The following AGBL4 variants were observed in gnomAD, a reference collection of about 807,000 sequenced individuals.
The protein encoded by AGBL4 is AGBL carboxypeptidase 4.
AGBL4 carries 58 observed loss-of-function variants against 66.4 expected under a neutral mutation model. That is an observed-to-expected ratio of 0.87 (90% CI 0.71 to 1.09). The LOEUF (loss-of-function observed/expected upper bound fraction) is 1.09. Ranked by LOEUF, AGBL4 falls within the 50% of genes least tolerant of loss-of-function variation. The pLI is 0.00. For missense variants in AGBL4, 579 were observed against 631.0 expected (o/e 0.92, Z 0.88); for synonymous variants, 234 against 222.9 (o/e 1.05, Z -0.44).
chr1:48,645,411 G>A (rs1423194363), intron 8 of AGBL4, among the ~76,000 whole-genome samples: 1 of 152,182 alleles, frequency 6.6e-6, no homozygotes, highest in Non-Finnish European at 1.5e-5. Flanking sequence ...CAGGCTTCTT[G>A]TAAGGATCTA....
At chr1:49,746,901 G>C (rs1354081929) in intron 2 of AGBL4, among the ~76,000 whole-genome samples, 2 of 152,054 alleles carry the variant, frequency 1.3e-5, no homozygotes, top group African/African-American at 4.8e-5. Flanking sequence ...GGATATGTTA[G>C]AGAAACATTA....
intron 5 of AGBL4, among the ~76,000 whole-genome samples, chr1:48,981,223 C>A (rs1659741197): frequency 6.6e-6 from 1 of 152,170 alleles, no homozygotes; most frequent in South Asian, 2.1e-4. Context: ...GCTTCTTAAT[C>A]ATTTTCCTGT....
chr1:49,206,640 G>A (rs1461038478), intron 4 of AGBL4, among the ~76,000 whole-genome samples: 1 of 152,054 alleles, frequency 6.6e-6, no homozygotes, highest in Non-Finnish European at 1.5e-5. Flanking sequence ...CCCCCAGTGA[G>A]TAGGCTTTAG....
chr1:48,748,993 C>G (rs895285270), intron 6 of AGBL4, among the ~76,000 whole-genome samples: 4 of 152,056 alleles, frequency 2.6e-5, no homozygotes, highest in Non-Finnish European at 5.9e-5. Context: ...CTCGGGGAAT[C>G]TGAACCACAG....
chr1:49,246,836 C>T (rs886847042), intron 3 of AGBL4, among the ~76,000 whole-genome samples: 16 of 151,902 alleles, frequency 1.1e-4, no homozygotes, highest in African/African-American at 3.9e-4. Flanking sequence ...ACAGGCTAGC[C>T]TTTCTTTCCA....
intron 3 of AGBL4, among the ~76,000 whole-genome samples, chr1:49,649,939 A>G (rs1193631023): frequency 2.0e-5 from 3 of 152,210 alleles, no homozygotes; most frequent in African/African-American, 7.2e-5. Flanking sequence ...TTTTGAACTT[A>G]ATAAAAATGA....
chr1:49,325,948 C>T (rs1224877271), intron 3 of AGBL4, among the ~76,000 whole-genome samples: 4 of 152,200 alleles, frequency 2.6e-5, no homozygotes, highest in Non-Finnish European at 4.4e-5. Flanking sequence ...TGAATGAAAG[C>T]TTTCTGAGGC....
chr1:49,768,647 T>C (rs1183755857), intron 2 of AGBL4, among the ~76,000 whole-genome samples: 2 of 152,074 alleles, frequency 1.3e-5, no homozygotes, highest in Non-Finnish European at 2.9e-5. Flanking sequence ...AACACTCCTA[T>C]TCAACATATT....
chr1:48,787,339 A>G (rs1367412399), intron 6 of AGBL4, among the ~76,000 whole-genome samples: 2 of 152,218 alleles, frequency 1.3e-5, no homozygotes, highest in Non-Finnish European at 2.9e-5. Context: ...TGAGATCCTG[A>G]CAGGCACTAT....
At chr1:49,373,335 A>C (rs146468710) in intron 3 of AGBL4, among the ~76,000 whole-genome samples, 4 of 152,200 alleles carry the variant, frequency 2.6e-5, no homozygotes, top group African/African-American at 9.6e-5. Context: ...AGTAGAACTG[A>C]TATCTCCATG....
Position 49,265,548 on chromosome 1 carries a change from G to A in AGBL4, c.283-19684C>T, listed in dbSNP as rs1643897754. On this transcript the variant is annotated intron_variant, in intron 3 of 13. Coordinates refer to ENST00000371839, the MANE Select transcript of AGBL4 (RefSeq NM_032785.4). The stretch of plus-strand genomic sequence containing the variant: ...GTGCAGCCTGATTCCCAGCATTGTG[G>A]AAAGAAATGCTGGAGTTTCAAGCCT... Among the ~76,000 whole-genome samples, 3 of 152,094 alleles carry A rather than the reference G, an allele frequency of 2.0e-5. No homozygotes were observed. The South Asian group carries it at 6.2e-4, about 32-fold the overall frequency.
At position 49,360,096 on chromosome 1, in the gene AGBL4, A is replaced by AT. The variant is rs1644106802; in HGVS notation, c.283-114233dup. Among the ~76,000 whole-genome samples, 4 of 152,026 alleles carry AT rather than the reference A, an allele frequency of 2.6e-5. No individual in the cohort carries two copies. The South Asian group carries it at 8.3e-4, about 32-fold the overall frequency. On this transcript the variant is annotated intron_variant, in intron 3 of 13. Transcript: ENST00000371839. ...TATGGATCATCTTTCCACCAAGAAG[A>AT]TTTTTCTCCAAAGCCCATAGCTTTT...
Position 48,590,823 on chromosome 1 carries a change from C to A in AGBL4, c.1104+10G>T. The A allele has an allele frequency of 6.3e-7, 1 of 1,592,138 alleles. No individual in the cohort carries two copies. The highest frequency in any genetic ancestry group is 8.6e-7 in the Non-Finnish European group (1 of 1,168,928). On this transcript the variant is annotated intron_variant, in intron 10 of 13. Transcript: ENST00000371839. ...GGCTGGGGCTGGCTGAGAGAGAACT[C>A]CTGGCTTACATAGGAGAAGTCCTCA... is the stretch of plus-strand genomic sequence containing the variant.
intron 4 of AGBL4, among the ~76,000 whole-genome samples, chr1:49,168,641 G>A (rs984246225): frequency 6.6e-6 from 1 of 152,188 alleles, no homozygotes; most frequent in Non-Finnish European, 1.5e-5. Flanking sequence ...TGACCCAGCA[G>A]AGCTTGGCTT....
At chr1:49,047,194 T>G (rs888149338) in intron 4 of AGBL4, among the ~76,000 whole-genome samples, 1 of 152,160 alleles carries the variant, frequency 6.6e-6, no homozygotes, top group African/African-American at 2.4e-5. Flanking sequence ...GTACATACAT[T>G]TGATTATATT....
intron 3 of AGBL4, among the ~76,000 whole-genome samples, chr1:49,529,158 C>T (rs971574551): frequency 6.6e-6 from 1 of 151,942 alleles, no homozygotes; most frequent in Admixed American, 6.6e-5. Flanking sequence ...AAACTGAATG[C>T]AGTAATGCTG....
intron 3 of AGBL4, among the ~76,000 whole-genome samples, chr1:49,252,785 C>T (rs1652176609): frequency 6.6e-6 from 1 of 152,114 alleles, no homozygotes; most frequent in African/African-American, 2.4e-5. Flanking sequence ...AATTTCAACC[C>T]AGAGTTTCAT....
At chr1:49,919,950 C>T (rs2148236404) in intron 1 of AGBL4, among the ~76,000 whole-genome samples, 1 of 152,136 alleles carries the variant, frequency 6.6e-6, no homozygotes, top group African/African-American at 2.4e-5. Context: ...CTACAACTAT[C>T]TGATCTTTGA....
At chr1:49,887,159 T>G (rs1276323196) in intron 1 of AGBL4, among the ~76,000 whole-genome samples, 1 of 131,198 alleles carries the variant, frequency 7.6e-6, no homozygotes. Context: ...ATATACATTG[T>G]GTGTATATAT....
Sources: allele counts gnomAD v4.1 joint callset (sites outside exome capture counted in the v4.1 genomes callset), GRCh38; gene constraint gnomAD v4.1.1; transcripts MANE v1.5; gene names NCBI Gene and HGNC (gene_info 2026-07-23, HGNC 2026-07-21).